The following YLPM1 variants were observed in gnomAD, a reference collection of about 807,000 sequenced individuals.
The protein encoded by YLPM1 is YLP motif-containing protein 1.
A neutral mutation model predicts 230.0 loss-of-function variants in YLPM1; 99 were observed. That is an observed-to-expected ratio of 0.43 (90% CI 0.37 to 0.51). The LOEUF is 0.51. YLPM1 is among the 20% of genes least tolerant of loss of function. YLPM1 has a pLI of 0.00. For missense variants in YLPM1, 2,592 were observed against 2,707.7 expected (o/e 0.96, Z 0.95); for synonymous variants, 984 against 942.5 (o/e 1.04, Z -0.81).
At chr14:74,813,290 AC>A (rs1434612342) in intron 11 of YLPM1, among the ~76,000 whole-genome samples, 1 of 152,214 alleles carries the variant, frequency 6.6e-6, no homozygotes, top group Non-Finnish European at 1.5e-5. Flanking sequence ...GCCTACTATT[AC>A]TATATAGCTA....
chr14:74,811,566 A>G, intron 9 of YLPM1, 54 bp from the exon 10 acceptor site: 1 of 1,360,336 alleles, frequency 7.4e-7, no homozygotes, highest in Non-Finnish European at 1.0e-6. Flanking sequence ...GTTATAAAGC[A>G]GAGAACCCCA....
rs758408743 is a variant in YLPM1 at position 74,778,592 on chromosome 14, G to C, written c.1019G>C (p.Ser340Thr). 11 of 1,601,538 alleles carry C rather than the reference G, an allele frequency of 6.9e-6. No homozygotes were observed. Among genetic ancestry groups the C allele is most frequent in the Non-Finnish European group, 8.5e-7 (1 of 1,174,308 alleles). Residue 340 changes from serine to threonine, a missense_variant, in exon 2 of 21, where the codon AGT becomes ACT. Transcript: ENST00000325680. ...GAAGAAGTTACAGTACCTGCCACCA[G>C]TCAAGTTCCAGAATCTCCTTCTTCT... ...VKEEVTVPAT[S>T]QVPESPSSEE...
intron 16 of YLPM1, among the ~76,000 whole-genome samples, chr14:74,819,173 GAATT>G (rs1206627843): frequency 7.3e-5 from 11 of 151,342 alleles, no homozygotes; most frequent in African/African-American, 2.2e-4. Context: ...ATTCTTGCCT[GAATT>G]AATTATTTAT....
intron 11 of YLPM1, among the ~76,000 whole-genome samples, chr14:74,813,768 T>C (rs2091454803): frequency 6.6e-6 from 1 of 152,220 alleles, no homozygotes; most frequent in African/African-American, 2.4e-5. Flanking sequence ...TTTTGGATTG[T>C]TCCTTGCAAA....
At chr14:74,816,843 G>A in intron 13 of YLPM1, 88 bp from the exon 14 acceptor site, 4 of 1,451,146 alleles carry the variant, frequency 2.8e-6, no homozygotes, top group South Asian at 3.0e-5. Flanking sequence ...AGACTACAAA[G>A]TCATCTCTAT....
intron 4 of YLPM1, among the ~76,000 whole-genome samples, chr14:74,794,764 TACAC>T (rs58830379): frequency 1.7e-3 from 259 of 150,288 alleles, no homozygotes; most frequent in South Asian, 3.6e-3. Flanking sequence ...ATTTGGTTAA[TACAC>T]ACACACACAC....
At chr14:74,829,659 C>T (rs2091593111) in intron 19 of YLPM1, among the ~76,000 whole-genome samples, 1 of 151,964 alleles carries the variant, frequency 6.6e-6, no homozygotes, top group South Asian at 2.1e-4. Flanking sequence ...TTGAAGAGAA[C>T]CTGTGGAACT....
At chr14:74,802,452 C>T in intron 5 of YLPM1, 104 bp from the exon 6 acceptor site, 2 of 1,377,070 alleles carry the variant, frequency 1.5e-6, no homozygotes, top group Non-Finnish European at 9.7e-7. Context: ...AATTTTAGGA[C>T]AAGGATTTTT....
chr14:74,777,868 A>C (rs2091057494), intron 1 of YLPM1, among the ~76,000 whole-genome samples: 1 of 151,738 alleles, frequency 6.6e-6, no homozygotes, highest in Non-Finnish European at 1.5e-5. Context: ...CCAGCTGCTC[A>C]GGAGGCTGAG....
Position 74,817,232 on chromosome 14 carries a change from T to C in YLPM1, c.5901T>C (p.Cys1967=). 1 of 1,601,158 alleles carries C rather than the reference T, an allele frequency of 6.2e-7. No individual in the cohort carries two copies. The highest frequency in any genetic ancestry group is 1.1e-5 in the South Asian group (1 of 88,658). The change falls in exon 15 of 21, where the codon TGT becomes TGC. Residue 1967 remains cysteine (C), a synonymous_variant. Transcript: ENST00000325680. ...LAEMSADNQT[C]GKRNIHGRKL... is the part of the protein sequence containing the mutation. The stretch of plus-strand genomic sequence containing the variant: ...AAATGAGTGCAGATAACCAGACTTG[T>C]GGCAAGAGAAATATTCATGGAAGAA...
intron 1 of YLPM1, 41 bp from the exon 2 acceptor site, chr14:74,778,406 T>G (rs2091062286): frequency 6.5e-7 from 1 of 1,534,778 alleles, no homozygotes; most frequent in Non-Finnish European, 8.8e-7. Flanking sequence ...CAGAGATACA[T>G]GATTGTCAAT....
chr14:74,816,101 A>T, intron 11 of YLPM1, 102 bp from the exon 12 acceptor site: 1 of 1,032,250 alleles, frequency 9.7e-7, no homozygotes, highest in Non-Finnish European at 1.4e-6. Flanking sequence ...GGCCTGTTGT[A>T]TAGTCTATCC....
At position 74,812,757 on chromosome 14, in the gene YLPM1, C is replaced by T. The variant is rs776882142; in HGVS notation, c.5477C>T (p.Pro1826Leu). 8 of 1,613,240 alleles carry T rather than the reference C, an allele frequency of 5.0e-6. No homozygotes were observed. The highest frequency in any genetic ancestry group is 2.2e-5 in the South Asian group (2 of 90,928). The change falls in exon 11 of 21, where the codon CCG becomes CTG. Residue 1826 changes from proline to leucine, a missense_variant. Physicochemically the swap from Pro to Leu is moderately conservative, Grantham distance 98. Transcript: ENST00000325680. ...AATGTGGACGATATTTTGAAACCAC[C>T]GGGCCGGGAGAGCAGACCTGAGAGA... The part of the protein sequence containing the change: ...SKNVDDILKP[P>L]GRESRPERIV...
At chr14:74,773,864 G>GTGTGTGCC (rs1381448482) in intron 1 of YLPM1, among the ~76,000 whole-genome samples, 1 of 151,702 alleles carries the variant, frequency 6.6e-6, no homozygotes, top group Non-Finnish European at 1.5e-5. Flanking sequence ...GAGATTATAG[G>GTGTGTGCC]TGTGTGCCAC....
intron 6 of YLPM1, among the ~76,000 whole-genome samples, chr14:74,807,657 G>A (rs1316837388): frequency 6.6e-6 from 1 of 152,170 alleles, no homozygotes. Context: ...GAAAACAAAT[G>A]GAAGGAGGGC....
At chr14:74,770,393 G>A (rs2090966706) in intron 1 of YLPM1, among the ~76,000 whole-genome samples, 1 of 151,786 alleles carries the variant, frequency 6.6e-6, no homozygotes, top group African/African-American at 2.4e-5. Context: ...GGAGGCCAAG[G>A]CAGGCGGATC....
intron 19 of YLPM1, among the ~76,000 whole-genome samples, chr14:74,831,248 C>A (rs1365807884): frequency 1.3e-5 from 2 of 152,120 alleles, no homozygotes; most frequent in African/African-American, 4.8e-5. Flanking sequence ...TAGTAATGGG[C>A]ACCATTACAA....
Position 74,798,603 on chromosome 14 carries a change from CAG to C in YLPM1, c.3307_3308del (p.Arg1103GlyfsTer28). 1 of 1,612,600 alleles carries C rather than the reference CAG, an allele frequency of 6.2e-7. No individual in the cohort carries two copies. The highest frequency in any genetic ancestry group is 8.5e-7 in the Non-Finnish European group (1 of 1,179,068). ...CAGGTGGTCTTCAAGGGAGCCAGGACAGGGGTGCAGCTGGCAGCCGAGAAAGG... is the reference window on the plus strand; with the variant it reads ...CAGGTGGTCTTCAAGGGAGCCAGGACGGGTGCAGCTGGCAGCCGAGAAAGG... Reference protein sequence around the residue: ...VPGGLQGSQDRGAAGSRERGP... With the variant: ...VPGGLQGSQDXGAAGSRERGP... On this transcript the variant is annotated frameshift_variant, in exon 5 of 21. Transcript: ENST00000325680. LOFTEE classifies it high-confidence loss of function.
chr14:74,804,910 T>C (rs553205896), intron 6 of YLPM1, among the ~76,000 whole-genome samples: 16 of 152,360 alleles, frequency 1.1e-4, no homozygotes, highest in African/African-American at 3.8e-4. Context: ...TTTATTGAAT[T>C]AATTCAATTT....
Sources: allele counts gnomAD v4.1 joint callset (sites outside exome capture counted in the v4.1 genomes callset), GRCh38; gene constraint gnomAD v4.1.1; transcripts MANE v1.5; gene names NCBI Gene and HGNC (gene_info 2026-07-23, HGNC 2026-07-21).